PARD6B: variants seen among roughly 807,000 people sequenced by gnomAD.
PARD6B encodes the protein partitioning defective 6 homolog beta.
PARD6B carries 4 observed loss-of-function variants against 10.5 expected under a neutral mutation model. That is an observed-to-expected ratio of 0.38 (90% CI 0.19 to 0.87). PARD6B has a LOEUF of 0.87. Among genes scored for constraint, PARD6B ranks in the 40% least tolerant of loss-of-function variants. PARD6B has a pLI of 0.41. For synonymous variants in PARD6B, 169 were observed against 170.4 expected (o/e 0.99, Z 0.07); for missense variants, 396 against 470.6 (o/e 0.84, Z 1.47).
rs2087605973 is a variant in PARD6B at position 50,751,136 on chromosome 20, CTT to C, written c.*652_*653del. The C allele has an allele frequency of 1.7e-6, 1 of 598,450 alleles. No individual in the cohort carries two copies. The highest frequency in any genetic ancestry group is 2.0e-5 in the African/African-American group (1 of 49,474). 37.1% of individuals were successfully genotyped at this position (598,450 alleles called of 1,614,324 possible). A position where few individuals can be genotyped will look rare whatever the true frequency, so the allele number is the denominator to read the frequency against. On this transcript the variant is annotated 3_prime_UTR_variant, in exon 3 of 3. Coordinates refer to ENST00000371610, the MANE Select transcript of PARD6B (RefSeq NM_032521.3). ...AGGCACATACCACCACATCTGTCTA[CTT>C]TTTGTATTTTTTGTAGAGACAGGGT...
chr20:50,753,476 C>G lies in PARD6B; in HGVS notation c.*2988C>G, dbSNP rs2087626399. On this transcript the variant is annotated 3_prime_UTR_variant, in exon 3 of 3. Coordinates refer to ENST00000371610, the MANE Select transcript of PARD6B (RefSeq NM_032521.3). Reference sequence around the variant, plus strand: ...CCTAACTGTGAATTTTGTTCTGTATCTTAAGTAAATTTATGATAATGTTCT... The same window carrying G: ...CCTAACTGTGAATTTTGTTCTGTATGTTAAGTAAATTTATGATAATGTTCT... The G allele has an allele frequency of 1.0e-6, 1 of 976,940 alleles. No homozygotes were observed. The highest frequency in any genetic ancestry group is 4.7e-5 in the South Asian group (1 of 21,120). The allele number at this position is 976,940 out of a possible 1,614,324, so 60.5% of individuals were successfully genotyped here.
In PARD6B at chr20:50,753,287, A is replaced by T. The variant is rs78174724; in HGVS notation, c.*2799A>T. The T allele has an allele frequency of 0.05, 49,633 of 983,800 alleles. 1,396 individuals are homozygous for T. The highest frequency in any genetic ancestry group is 0.083 in the South Asian group (1,762 of 21,248). 60.9% of individuals were successfully genotyped at this position (983,800 alleles called of 1,614,324 possible). A position where few individuals can be genotyped will look rare whatever the true frequency, so the allele number is the denominator to read the frequency against. On this transcript the variant is annotated 3_prime_UTR_variant, in exon 3 of 3. Coordinates refer to ENST00000371610, the MANE Select transcript of PARD6B (RefSeq NM_032521.3). ...CAAGTAGATCTCTGTTTCTTAAATT[A>T]TTGGTGAAATAATTGATTACTAGAT...
At position 50,750,988 on chromosome 20, in the gene PARD6B, G is replaced by GTTTTTTTTTTTTTTTTTTTT. The variant is rs1568999536; in HGVS notation, c.*501_*502insTTTTTTTTTTTTTTTTTTTT. Reference sequence around the variant, plus strand: ...TTTTTTTTTTTTTTTTTTTTTTTTAGTGACTGGGTCTCACTCTGTTGCCCA... The same window carrying GTTTTTTTTTTTTTTTTTTTT: ...TTTTTTTTTTTTTTTTTTTTTTTTAGTTTTTTTTTTTTTTTTTTTTTGACTGGGTCTCACTCTGTTGCCCA... On this transcript the variant is annotated 3_prime_UTR_variant, in exon 3 of 3. Coordinates refer to ENST00000371610, the MANE Select transcript of PARD6B (RefSeq NM_032521.3). The GTTTTTTTTTTTTTTTTTTTT allele has an allele frequency of 3.2e-6, 1 of 312,234 alleles. No homozygotes were observed. Among genetic ancestry groups the GTTTTTTTTTTTTTTTTTTTT allele is most frequent in the Non-Finnish European group, 3.7e-6 (1 of 271,006 alleles). 19.3% of individuals were successfully genotyped at this position (312,234 alleles called of 1,614,324 possible).
rs530817917 is a variant in PARD6B at position 50,747,671 on chromosome 20, CCT to C, written c.290-1984_290-1983del. ...GCTGTTAGTTTCATTTTCTGTTTTA[CCT>C]CTCATTCTCTGATGAAATGTTTTGT... On this transcript the variant is annotated intron_variant, in intron 2 of 2. Transcript: ENST00000371610. Among the ~76,000 whole-genome samples, 166 of 151,598 alleles carry C rather than the reference CCT, an allele frequency of 1.1e-3. 1 individual carries two copies. Among genetic ancestry groups the C allele is most frequent in the African/African-American group, 3.8e-3 (155 of 41,320 alleles).
At position 50,750,306 on chromosome 20, in the gene PARD6B, A is replaced by G; in HGVS notation, c.937A>G (p.Asn313Asp). The G allele has an allele frequency of 1.2e-6, 2 of 1,614,244 alleles. No homozygotes were observed. Among genetic ancestry groups the G allele is most frequent in the Non-Finnish European group, 1.7e-6 (2 of 1,180,038 alleles). ...VPQQIPKAVP[N>D]TESLESLTQI... Reference sequence around the variant, plus strand: ...ACAGCAGATTCCAAAAGCTGTTCCTAATACTGAGAGCCTGGAGTCATTAAC... The same window carrying G: ...ACAGCAGATTCCAAAAGCTGTTCCTGATACTGAGAGCCTGGAGTCATTAAC... Residue 313 changes from asparagine (N) to aspartate (D), a missense_variant, in exon 3 of 3, where the codon AAT (asparagine) becomes GAT (aspartate). By Grantham distance (23) the Asn-to-Asp change is conservative. Around this residue, in one of 2 missense-constraint regions of PARD6B, gnomAD observed 188 missense variants for 169.7 expected, o/e 1.11. Coordinates refer to ENST00000371610, the MANE Select transcript of PARD6B (RefSeq NM_032521.3).
At position 50,753,490 on chromosome 20, in the gene PARD6B, T is replaced by A; in HGVS notation, c.*3002T>A. ...TTGTTCTGTATCTTAAGTAAATTTA[T>A]GATAATGTTCTCGAGCTATCAACAA... On this transcript the variant is annotated 3_prime_UTR_variant, in exon 3 of 3. Transcript: ENST00000371610. The A allele has an allele frequency of 1.0e-6, 1 of 971,858 alleles. No homozygotes were observed. Among genetic ancestry groups the A allele is most frequent in the Non-Finnish European group, 1.2e-6 (1 of 817,160 alleles). 60.2% of individuals were successfully genotyped at this position (971,858 alleles called of 1,614,324 possible). A position where few individuals can be genotyped will look rare whatever the true frequency, so the allele number is the denominator to read the frequency against.
chr20:50,742,420 C>G (rs2087536013), intron 2 of PARD6B, among the ~76,000 whole-genome samples: 1 of 151,572 alleles, frequency 6.6e-6, no homozygotes, highest in Non-Finnish European at 1.5e-5. Context: ...GGCTAGAGTG[C>G]AGTGGTGTGA....
Position 50,749,832 on chromosome 20 carries a change from C to T in PARD6B, c.463C>T (p.His155Tyr). ...IIDVDILPET[H>Y]RRVRLYKYGT... ...AGACGTGGATATTCTCCCAGAAACG[C>T]ATCGTAGGGTACGTCTTTACAAATA... The change falls in exon 3 of 3, where the codon CAT becomes TAT. Residue 155 changes from histidine (H) to tyrosine (Y), a missense_variant. Transcript: ENST00000371610. 6.2e-7 allele frequency: 1 copy of T among 1,614,166 alleles called. No individual in the cohort carries two copies. The highest frequency in any genetic ancestry group is 8.5e-7 in the Non-Finnish European group (1 of 1,180,030).
Position 50,732,176 on chromosome 20 carries a change from G to A in PARD6B, c.66+324G>A, listed in dbSNP as rs778430045. Among the ~76,000 whole-genome samples the A allele has an allele frequency of 5.7e-4, 87 of 152,222 alleles. 1 individual carries two copies. The highest frequency in any genetic ancestry group is 9.7e-4 in the Non-Finnish European group (66 of 68,030). ...TGGCGCACACTGAGTGAAATGCGAG[G>A]CTGCTCAAAAGGTGTAGGAGAATCC... On this transcript the variant is annotated intron_variant, in intron 1 of 2. Coordinates refer to ENST00000371610, the MANE Select transcript of PARD6B (RefSeq NM_032521.3).
Position 50,751,224 on chromosome 20 carries a change from C to T in PARD6B, c.*736C>T. 4 of 949,792 alleles carry T rather than the reference C, an allele frequency of 4.2e-6. No homozygotes were observed. The highest frequency in any genetic ancestry group is 5.0e-6 in the Non-Finnish European group (4 of 798,340). 58.8% of individuals were successfully genotyped at this position (949,792 alleles called of 1,614,324 possible). A position where few individuals can be genotyped will look rare whatever the true frequency, so the allele number is the denominator to read the frequency against. ...GGCTTAAGCAGTCCTGCCTCGGCTTCCCAAAATGCTAGGATTAGAGCCACC... is the reference window on the plus strand; with the variant it reads ...GGCTTAAGCAGTCCTGCCTCGGCTTTCCAAAATGCTAGGATTAGAGCCACC... On this transcript the variant is annotated 3_prime_UTR_variant, in exon 3 of 3. Transcript: ENST00000371610.
chr20:50,748,856 T>C (rs2087583613), intron 2 of PARD6B, among the ~76,000 whole-genome samples: 1 of 151,998 alleles, frequency 6.6e-6, no homozygotes, highest in Non-Finnish European at 1.5e-5. Flanking sequence ...GAAGGAAAAA[T>C]GTATTTTAAG....
chr20:50,748,580 T>G (rs1227934551), intron 2 of PARD6B, among the ~76,000 whole-genome samples: 1 of 152,214 alleles, frequency 6.6e-6, no homozygotes, highest in African/African-American at 2.4e-5. Flanking sequence ...TTACCGAGGC[T>G]GGAGTGCAGT....
In PARD6B at chr20:50,752,072, A is replaced by AT; in HGVS notation, c.*1588dup. The AT allele has an allele frequency of 1.0e-6, 1 of 985,152 alleles. No individual in the cohort carries two copies. The highest frequency in any genetic ancestry group is 1.2e-6 in the Non-Finnish European group (1 of 829,670). 61.0% of individuals were successfully genotyped at this position (985,152 alleles called of 1,614,324 possible). A position where few individuals can be genotyped will look rare whatever the true frequency, so the allele number is the denominator to read the frequency against. ...TGTTTGTCCTTCCTATAGCTTTCAT[A>AT]TTTTCAAATTAATTCTGTATGGCTA... On this transcript the variant is annotated 3_prime_UTR_variant, in exon 3 of 3. Transcript: ENST00000371610.
Position 50,749,741 on chromosome 20 carries a change from C to A in PARD6B, c.372C>A (p.Asn124Lys). Residue 124 changes from asparagine (N) to lysine (K), a missense_variant, in exon 3 of 3, where the codon AAC (asparagine) becomes AAA (lysine). Around this residue, in one of 2 missense-constraint regions of PARD6B, gnomAD observed 208 missense variants for 300.9 expected, o/e 0.69. Transcript: ENST00000371610. ...TAACCAACGTATTGCGTCCTGACAA[C>A]CATAGAAAAAAGCCACATATAGTCA... ...NVLTNVLRPD[N>K]HRKKPHIVIS... 1 of 1,614,086 alleles carries A rather than the reference C, an allele frequency of 6.2e-7. No individual in the cohort carries two copies.
intron 1 of PARD6B, among the ~76,000 whole-genome samples, chr20:50,732,610 T>G (rs2087477847): frequency 6.6e-6 from 1 of 151,722 alleles, no homozygotes; most frequent in African/African-American, 2.4e-5. Context: ...CCAAAGGGGG[T>G]TTTGAGCTGG....
intron 2 of PARD6B, among the ~76,000 whole-genome samples, chr20:50,738,845 G>A (rs1013006332): frequency 6.6e-6 from 1 of 151,880 alleles, no homozygotes; most frequent in Non-Finnish European, 1.5e-5. Flanking sequence ...TTACTATGTT[G>A]CCTGGTCTCC....
At chr20:50,739,952 C>T (rs1478916403) in intron 2 of PARD6B, among the ~76,000 whole-genome samples, 2 of 36,650 alleles carry the variant, frequency 5.5e-5, no homozygotes. Flanking sequence ...GGCTGCTTTG[C>T]AGTGAAGGAG....
In PARD6B at chr20:50,738,080, G is replaced by A; in HGVS notation, c.289+1G>A. On this transcript the variant is annotated splice_donor_variant, in intron 2 of 2. Transcript: ENST00000371610. LOFTEE classifies it high-confidence loss of function. Reference sequence around the variant, plus strand: ...CTTAGGATATTTATACAAAAGAAGGGTAAGTATCACTGTTTAGAAAAATTG... The same window carrying A: ...CTTAGGATATTTATACAAAAGAAGGATAAGTATCACTGTTTAGAAAAATTG... 1 of 1,581,064 alleles carries A rather than the reference G, an allele frequency of 6.3e-7. No individual in the cohort carries two copies. The highest frequency in any genetic ancestry group is 8.6e-7 in the Non-Finnish European group (1 of 1,161,654).
In PARD6B at chr20:50,750,471, A is replaced by G. The variant is rs893880127; in HGVS notation, c.1102A>G (p.Thr368Ala). 3.1e-6 allele frequency: 5 copies of G among 1,612,068 alleles called. No individual in the cohort carries two copies. The African/African-American group carries it at 6.7e-5, about 22-fold the overall frequency. Residue 368 changes from threonine to alanine, a missense_variant, in exon 3 of 3, where the codon ACA becomes GCA. Physicochemically the swap from Thr to Ala is moderately conservative, Grantham distance 58. Around this residue, in one of 2 missense-constraint regions of PARD6B, gnomAD observed 188 missense variants for 169.7 expected, o/e 1.11. Coordinates refer to ENST00000371610, the MANE Select transcript of PARD6B (RefSeq NM_032521.3). The part of the protein sequence containing the change: ...PDQKLLEEDG[T>A]IITL ...TCAAAAACTCTTAGAAGAAGATGGAACAATCATAACATTATGAAACCGTGG... is the reference window on the plus strand; with the variant it reads ...TCAAAAACTCTTAGAAGAAGATGGAGCAATCATAACATTATGAAACCGTGG...
Sources: allele counts gnomAD v4.1 joint callset (sites outside exome capture counted in the v4.1 genomes callset), GRCh38; gene constraint gnomAD v4.1.1; regional missense constraint gnomAD v4.1.1; transcripts MANE v1.5; gene names NCBI Gene and HGNC (gene_info 2026-07-23, HGNC 2026-07-21).